The following ST6GALNAC3 variants were observed in gnomAD, a reference collection of about 807,000 sequenced individuals.
The protein encoded by ST6GALNAC3 is alpha-N-acetylgalactosaminide alpha-2,6-sialyltransferase 3.
ST6GALNAC3 carries 25 observed loss-of-function variants against 32.7 expected under a neutral mutation model. The ratio of observed to expected loss-of-function variants is 0.76; its 90% CI spans 0.56 to 1.07. ST6GALNAC3 has a LOEUF of 1.07. Ranked by LOEUF, ST6GALNAC3 falls within the 50% of genes least tolerant of loss-of-function variation. The pLI, the probability that ST6GALNAC3 is intolerant of heterozygous loss-of-function variation, is 0.00. For missense variants in ST6GALNAC3, 355 were observed against 382.4 expected, an observed-to-expected ratio of 0.93 and a Z score of 0.60; for synonymous variants, 129 against 133.1, an observed-to-expected ratio of 0.97 and a Z score of 0.21.
At chr1:76,256,656 A>G (rs1265370616) in intron 1 of ST6GALNAC3, among the ~76,000 whole-genome samples, 2 of 151,858 alleles carry the variant, frequency 1.3e-5, no homozygotes, top group African/African-American at 4.8e-5. Context: ...GGTATGTATT[A>G]TGTGTTCACG....
chr1:76,629,460 G>T lies in ST6GALNAC3; in HGVS notation c.*654G>T. ...CTATCTCAAACACATAAATCAAAAT[G>T]GGCCAAGTAGCAAATCTTGATGAAT... On this transcript the variant is annotated 3_prime_UTR_variant, in exon 5 of 5. Transcript: ENST00000328299. The T allele has an allele frequency of 4.5e-5, 44 of 985,500 alleles. No individual in the cohort carries two copies. Among genetic ancestry groups the T allele is most frequent in the Non-Finnish European group, 5.3e-5 (44 of 829,792 alleles). 61.0% of individuals were successfully genotyped at this position (985,500 alleles called of 1,614,324 possible). A position where few individuals can be genotyped will look rare whatever the true frequency, so the allele number is the denominator to read the frequency against.
chr1:76,612,389 C>A (rs1248116694), intron 3 of ST6GALNAC3, among the ~76,000 whole-genome samples: 1 of 152,156 alleles, frequency 6.6e-6, no homozygotes, highest in East Asian at 1.9e-4. Context: ...AGACAACATG[C>A]AGAAAGAGTG....
intron 2 of ST6GALNAC3, among the ~76,000 whole-genome samples, chr1:76,333,173 A>G (rs916818124): frequency 6.6e-6 from 1 of 152,230 alleles, no homozygotes; most frequent in Non-Finnish European, 1.5e-5. Context: ...AAATGAGATC[A>G]GATTTGTACA....
chr1:76,293,779 C>A (rs1194967071), intron 1 of ST6GALNAC3, among the ~76,000 whole-genome samples: 1 of 152,100 alleles, frequency 6.6e-6, no homozygotes, highest in African/African-American at 2.4e-5. Context: ...AGTAAAATTC[C>A]TTCTGTTTCT....
At chr1:76,185,385 T>C (rs181246787) in intron 1 of ST6GALNAC3, among the ~76,000 whole-genome samples, 248 of 152,290 alleles carry the variant, frequency 1.6e-3, no homozygotes, top group Admixed American at 3.5e-3. Context: ...TAATGTGACA[T>C]AATACGAGCT....
intron 3 of ST6GALNAC3, among the ~76,000 whole-genome samples, chr1:76,585,560 A>G (rs959171727): frequency 6.6e-6 from 1 of 152,146 alleles, no homozygotes; most frequent in Admixed American, 6.5e-5. Flanking sequence ...CACTGGGTGG[A>G]AGGGCAAACA....
intron 3 of ST6GALNAC3, among the ~76,000 whole-genome samples, chr1:76,456,849 C>A (rs1412428370): frequency 1.3e-5 from 2 of 152,088 alleles, no homozygotes; most frequent in Non-Finnish European, 2.9e-5. Flanking sequence ...GATGTTCTGG[C>A]CAGGGCAATT....
rs74914702 is a variant in ST6GALNAC3 at position 76,517,904 on chromosome 1, A to T, written c.623+105487A>T. On this transcript the variant is annotated intron_variant, in intron 3 of 4. Coordinates refer to ENST00000328299, the MANE Select transcript of ST6GALNAC3 (RefSeq NM_152996.4). Reference sequence around the variant, plus strand: ...TTTTACTATTTATTTATTTAGCCAGAAAGTGTGGACCATAATTTCTACTGT... The same window carrying T: ...TTTTACTATTTATTTATTTAGCCAGTAAGTGTGGACCATAATTTCTACTGT... 4.4e-3 allele frequency among the ~76,000 whole-genome samples: 666 copies of T among 152,128 alleles called. 36 individuals carry two copies. In the East Asian group the frequency reaches 0.11, roughly 25 times the overall value.
intron 3 of ST6GALNAC3, among the ~76,000 whole-genome samples, chr1:76,461,935 A>G (rs1026544605): frequency 3.9e-5 from 6 of 152,122 alleles, no homozygotes; most frequent in Non-Finnish European, 8.8e-5. Flanking sequence ...CAGTTCTGAA[A>G]AAGCAAGCTG....
At chr1:76,377,235 G>A (rs1476432244) in intron 2 of ST6GALNAC3, among the ~76,000 whole-genome samples, 1 of 152,204 alleles carries the variant, frequency 6.6e-6, no homozygotes, top group African/African-American at 2.4e-5. Context: ...ACTGGGGGCT[G>A]TCCAGGACAT....
intron 2 of ST6GALNAC3, among the ~76,000 whole-genome samples, chr1:76,347,580 T>C (rs1648625982): frequency 6.6e-6 from 1 of 152,154 alleles, no homozygotes; most frequent in African/African-American, 2.4e-5. Context: ...GTATCTAAGC[T>C]ATTTAATCTT....
intron 1 of ST6GALNAC3, among the ~76,000 whole-genome samples, chr1:76,126,124 T>C (rs1649225031): frequency 6.6e-6 from 1 of 152,174 alleles, no homozygotes; most frequent in African/African-American, 2.4e-5. Flanking sequence ...TTTTTAGAGG[T>C]CTGTCTCAAG....
At chr1:76,134,751 C>T (rs1214548315) in intron 1 of ST6GALNAC3, among the ~76,000 whole-genome samples, 1 of 152,192 alleles carries the variant, frequency 6.6e-6, no homozygotes, top group East Asian at 1.9e-4. Flanking sequence ...GTGTCTGTGT[C>T]ATGAAAAGCA....
chr1:76,450,745 G>T (rs556358135), intron 3 of ST6GALNAC3, among the ~76,000 whole-genome samples: 1 of 152,240 alleles, frequency 6.6e-6, no homozygotes, highest in Admixed American at 6.5e-5. Flanking sequence ...AAGAGATGAG[G>T]ATCCAGTTTC....
chr1:76,131,732 C>T (rs1250295572), intron 1 of ST6GALNAC3, among the ~76,000 whole-genome samples: 1 of 152,112 alleles, frequency 6.6e-6, no homozygotes, highest in Non-Finnish European at 1.5e-5. Context: ...GTAATTTATT[C>T]TTGTATTAAA....
intron 3 of ST6GALNAC3, among the ~76,000 whole-genome samples, chr1:76,528,194 T>C (rs189216229): frequency 1.7e-3 from 259 of 152,284 alleles, no homozygotes; most frequent in African/African-American, 5.8e-3. Flanking sequence ...GGACAGTTAA[T>C]GGTATTTACT....
At chr1:76,281,030 T>G (rs1175945297) in intron 1 of ST6GALNAC3, among the ~76,000 whole-genome samples, 1 of 152,198 alleles carries the variant, frequency 6.6e-6, no homozygotes, top group African/African-American at 2.4e-5. Flanking sequence ...ATCATAGTCT[T>G]TTGAGTACTT....
intron 1 of ST6GALNAC3, among the ~76,000 whole-genome samples, chr1:76,293,596 A>G (rs1037187814): frequency 3.9e-5 from 6 of 152,196 alleles, no homozygotes; most frequent in African/African-American, 7.2e-5. Flanking sequence ...CCTGTTTATC[A>G]TAGCTGCCAG....
rs112668800 is a variant in ST6GALNAC3 at position 76,503,044 on chromosome 1, C to A, written c.623+90627C>A. On this transcript the variant is annotated intron_variant, in intron 3 of 4. Coordinates refer to ENST00000328299, the MANE Select transcript of ST6GALNAC3 (RefSeq NM_152996.4). ...GGTAAGGTTGAAATTAAGAGTTGTA[C>A]GCTAAATAACCTGAAACGGAACTTA... Among the ~76,000 whole-genome samples, 231 of 152,004 alleles carry A rather than the reference C, an allele frequency of 1.5e-3. 2 individuals carry two copies. Among genetic ancestry groups the A allele is most frequent in the African/African-American group, 5.4e-3 (222 of 41,336 alleles).
Sources: gnomAD v4.1 joint callset for allele counts (sites outside exome capture counted in the v4.1 genomes callset) on GRCh38, gnomAD v4.1.1 for gene constraint, MANE v1.5 for transcripts, NCBI Gene and HGNC (gene_info 2026-07-23, HGNC 2026-07-21) for gene names.